Variants in CEP44 observed in about 807,000 individuals in gnomAD.
CEP44 encodes centrosomal protein of 44 kDa.
In CEP44, 45 loss-of-function variants were observed where a neutral mutation model predicts 46.7. The ratio of observed to expected loss-of-function variants is 0.96; its 90% CI spans 0.76 to 1.24. The LOEUF (loss-of-function observed/expected upper bound fraction) is 1.24. CEP44 is among the 50% of genes most tolerant of loss of function. CEP44 has a pLI of 0.00. For missense variants in CEP44, 475 were observed against 459.7 expected (o/e 1.03, Z -0.30); for synonymous variants, 142 against 146.0 (o/e 0.97, Z 0.20).
rs537067788 is a variant in CEP44 at position 174,331,963 on chromosome 4, C to T, written c.*368C>T. 18 of 176,422 alleles carry T rather than the reference C, an allele frequency of 1.0e-4. No individual in the cohort carries two copies. The East Asian group carries it at 1.4e-3, about 13-fold the overall frequency. 10.9% of individuals were successfully genotyped at this position (176,422 alleles called of 1,614,324 possible). The stretch of plus-strand genomic sequence containing the variant: ...CCTTCATTAATTTAAATATTTTTAT[C>T]GGCTCTAGAAAATGCATAAGGTTAG... On this transcript the variant is annotated 3_prime_UTR_variant, in exon 9 of 9. Coordinates refer to the CEP44 transcript ENST00000426172. This position sits in a 1 kb window ranked among gnomAD's most constrained non-coding sequence, Gnocchi z 4.5.
intron 9 of CEP44, among the ~76,000 whole-genome samples, chr4:174,313,485 G>T (rs1741328923): frequency 6.6e-6 from 1 of 152,094 alleles, no homozygotes. Flanking sequence ...TAGCAGAAGA[G>T]TAGAAAGATC....
chr4:174,324,235 C>G (rs1204537996), downstream of CEP44, among the ~76,000 whole-genome samples: 1 of 152,108 alleles, frequency 6.6e-6, no homozygotes, highest in Admixed American at 6.6e-5. Context: ...TGTAGTAGTT[C>G]ATTCCTTTAT....
chr4:174,316,710 A>T, intron 11 of CEP44, 143 bp downstream of exon 11: 1 of 637,286 alleles, frequency 1.6e-6, no homozygotes, highest in Non-Finnish European at 2.6e-6. Context: ...ACTCCACTGG[A>T]TAATAAATCC....
At chr4:174,300,784 T>G (rs1296894375) in intron 3 of CEP44, among the ~76,000 whole-genome samples, 1 of 152,106 alleles carries the variant, frequency 6.6e-6, no homozygotes, top group Admixed American at 6.5e-5. Context: ...ATTTGCTGTT[T>G]TTTGTGTTGG....
At chr4:174,328,979 T>C (rs928986023) in intron 8 of CEP44, among the ~76,000 whole-genome samples, 2 of 152,084 alleles carry the variant, frequency 1.3e-5, no homozygotes, top group Non-Finnish European at 2.9e-5. Context: ...CAGAGTCTTT[T>C]TCTGTCACCC....
At chr4:174,322,588 T>G (rs1307870164), downstream of CEP44, among the ~76,000 whole-genome samples, 1 of 152,196 alleles carries the variant, frequency 6.6e-6, no homozygotes, top group Non-Finnish European at 1.5e-5. Context: ...TGCGAAACTA[T>G]GAGTGTTATG....
Position 174,329,158 on chromosome 4 carries a change from C to T in CEP44, c.1087-2324C>T, listed in dbSNP as rs1731178021. Among the ~76,000 whole-genome samples the T allele has an allele frequency of 6.6e-6, 1 of 151,968 alleles. No homozygotes were observed. Among genetic ancestry groups the T allele is most frequent in the Non-Finnish European group, 1.5e-5 (1 of 68,010 alleles). ...CGGATTTGGGATCTCACTATGCTGC[C>T]CAGGCTAGTCTCAGACTCCTGGCCT... On this transcript the variant is annotated intron_variant, in intron 8 of 8. Coordinates refer to the CEP44 transcript ENST00000426172. This position sits in a 1 kb window ranked among gnomAD's most constrained non-coding sequence, Gnocchi z 4.0.
rs1165318100 is a variant in CEP44 at position 174,311,797 on chromosome 4, G to A, written c.961+939G>A. On this transcript the variant is annotated intron_variant, in intron 9 of 11. Transcript: ENST00000503780. This position sits in a 1 kb window ranked among gnomAD's most constrained non-coding sequence, Gnocchi z 4.4. ...AGATCAAATTTGAATCCAGGCAACT[G>A]ATCTGAAGTTTTTTCTTGACTGCTG... 6.6e-6 allele frequency among the ~76,000 whole-genome samples: 1 copy of A among 152,146 alleles called. No homozygotes were observed. Among genetic ancestry groups the A allele is most frequent in the Non-Finnish European group, 1.5e-5 (1 of 68,020 alleles).
intron 8 of CEP44, among the ~76,000 whole-genome samples, chr4:174,330,752 AT>A (rs1731278583): frequency 6.6e-6 from 1 of 152,178 alleles, no homozygotes; most frequent in Non-Finnish European, 1.5e-5. Context: ...CTCTCCAGGG[AT>A]TATGCCAAGT....
In CEP44 at chr4:174,297,650, T is replaced by C. The variant is rs1396930523; in HGVS notation, c.-147-316T>C. 1.0e-5 allele frequency among the ~76,000 whole-genome samples: 1 copy of C among 99,776 alleles called. No homozygotes were observed. The highest frequency in any genetic ancestry group is 2.2e-5 in the Non-Finnish European group (1 of 46,038). The allele number at this position is 99,776 out of a possible 152,430, so 65.5% of individuals were successfully genotyped here. The stretch of plus-strand genomic sequence containing the variant: ...GCTGAGATATAGGAAGAAACTTTAT[T>C]AGTGTGTGTGTGTGTGTGTGTGTGT... On this transcript the variant is annotated intron_variant, in intron 1 of 11. Transcript: ENST00000503780. The surrounding 1 kb of genome is among the most constrained non-coding windows in gnomAD (Gnocchi z 4.3).
chr4:174,301,804 G>T lies in CEP44; in HGVS notation c.90-235G>T, dbSNP rs774511972. On this transcript the variant is annotated intron_variant, in intron 3 of 11. Transcript: ENST00000503780. The surrounding 1 kb of genome is among the most constrained non-coding windows in gnomAD (Gnocchi z 4.3). ...TCAATGGTAAATAGTTGGTACTAGA[G>T]ACCTATAGTAAGTTTTTTGAGCAGA... Among the ~76,000 whole-genome samples the T allele has an allele frequency of 6.6e-6, 1 of 152,126 alleles. No homozygotes were observed. The highest frequency in any genetic ancestry group is 1.5e-5 in the Non-Finnish European group (1 of 67,988).
At chr4:174,284,017 C>T (rs1737249098) in intron 1 of CEP44, 74 bp downstream of exon 1, 2 of 399,730 alleles carry the variant, frequency 5.0e-6, no homozygotes, top group South Asian at 1.3e-4. Context: ...GCGCAGGCGC[C>T]TGGCTGTAGC....
chr4:174,316,604 C>T (rs200220535), intron 11 of CEP44, 37 bp downstream of exon 11: 451 of 1,536,116 alleles, frequency 2.9e-4, no homozygotes, highest in Non-Finnish European at 3.8e-4. Context: ...ATTCATTTCT[C>T]TATAGGGAAT....
rs1219856899 is a variant in CEP44 at position 174,319,758 on chromosome 4, TTTACAC to T, written c.*2381_*2386del. The stretch of plus-strand genomic sequence containing the variant: ...AAAAATCAACTCAATATATCATACA[TTTACAC>T]TTACAAAGAGTCTTTATCTAGACAA... On this transcript the variant is annotated 3_prime_UTR_variant, in exon 12 of 12. Coordinates refer to ENST00000503780, the MANE Select transcript of CEP44 (RefSeq NM_001040157.3). The T allele has an allele frequency of 1.1e-6, 1 of 915,300 alleles. No individual in the cohort carries two copies. Among genetic ancestry groups the T allele is most frequent in the African/African-American group, 1.8e-5 (1 of 56,166 alleles). 56.7% of individuals were successfully genotyped at this position (915,300 alleles called of 1,614,324 possible). A position where few individuals can be genotyped will look rare whatever the true frequency, so the allele number is the denominator to read the frequency against.
rs919988105 is a variant in CEP44 at position 174,297,607 on chromosome 4, G to A, written c.-147-359G>A. 3.3e-5 allele frequency among the ~76,000 whole-genome samples: 5 copies of A among 152,022 alleles called. No homozygotes were observed. The highest frequency in any genetic ancestry group is 7.4e-5 in the Non-Finnish European group (5 of 68,006). On this transcript the variant is annotated intron_variant, in intron 1 of 11. Coordinates refer to ENST00000503780, the MANE Select transcript of CEP44 (RefSeq NM_001040157.3). The surrounding 1 kb of genome is among the most constrained non-coding windows in gnomAD (Gnocchi z 4.3). ...TAGTCTGCTGTCACAGAGGATGTAAGTCTAACAGCTTCTTGAGGCTGAGAT... is the reference window on the plus strand; with the variant it reads ...TAGTCTGCTGTCACAGAGGATGTAAATCTAACAGCTTCTTGAGGCTGAGAT...
Position 174,301,112 on chromosome 4 carries a change from G to A in CEP44, c.90-927G>A, listed in dbSNP as rs1301172208. ...AATGCAGTGCTATCATCATGTATTT[G>A]TTCTCTGTCTTACTAAAAATTTGGG... On this transcript the variant is annotated intron_variant, in intron 3 of 11. Transcript: ENST00000503780. The surrounding 1 kb of genome is among the most constrained non-coding windows in gnomAD (Gnocchi z 4.3). 6.6e-6 allele frequency among the ~76,000 whole-genome samples: 1 copy of A among 152,072 alleles called. No homozygotes were observed. Among genetic ancestry groups the A allele is most frequent in the Non-Finnish European group, 1.5e-5 (1 of 67,972 alleles).
chr4:174,323,030 C>A (rs1420362140), downstream of CEP44, among the ~76,000 whole-genome samples: 5 of 151,778 alleles, frequency 3.3e-5, no homozygotes, highest in African/African-American at 1.2e-4. Flanking sequence ...TCATTTAAAG[C>A]ACTAAAAGGC....
exon 9 of CEP44, chr4:174,332,178 G>GGTA: frequency 6.5e-6 from 1 of 152,934 alleles, no homozygotes. Flanking sequence ...AGCAGGGAAA[G>GGTA]AGCTGGGCAA....
chr4:174,299,839 T>C (rs1314022803), intron 3 of CEP44, among the ~76,000 whole-genome samples: 1 of 152,198 alleles, frequency 6.6e-6, no homozygotes, highest in Admixed American at 6.5e-5. Flanking sequence ...TTTTCCTATA[T>C]TCATGCCTAT....
Sources: gnomAD v4.1 joint callset for allele counts (sites outside exome capture counted in the v4.1 genomes callset) on GRCh38, gnomAD v4.1.1 for gene constraint, Gnocchi (gnomAD v3.1) non-coding constraint, MANE v1.5 for transcripts, NCBI Gene and HGNC (gene_info 2026-07-23, HGNC 2026-07-21) for gene names.